Variants in MYO5B observed in about 807,000 individuals in gnomAD.
MYO5B encodes unconventional myosin-Vb.
In MYO5B, 143 loss-of-function variants were observed where a neutral mutation model predicts 229.3. The ratio of observed to expected loss-of-function variants is 0.62; its 90% confidence interval spans 0.54 to 0.72. MYO5B has a LOEUF of 0.72. MYO5B is among the 30% of genes least tolerant of loss of function. The pLI is 0.00. For missense variants in MYO5B, 2,321 were observed against 2,331.0 expected, an observed-to-expected ratio of 1.00 and a Z score of 0.09; for synonymous variants, 918 against 885.2, an observed-to-expected ratio of 1.04 and a Z score of -0.66.
chr18:50,112,417 ATCAAGAGGCAAAGGC>A (rs2031881894), intron 1 of MYO5B, among the ~76,000 whole-genome samples: 1 of 152,142 alleles, frequency 6.6e-6, no homozygotes, highest in African/African-American at 2.4e-5. Context: ...AGACGTCCCC[ATCAAGAGGCAAAGGC>A]AAGGCTCCTG....
In MYO5B at chr18:49,963,066, T is replaced by A. The variant is rs929914629; in HGVS notation, c.1323-36A>T. 3.2e-6 allele frequency: 5 copies of A among 1,567,894 alleles called. No individual in the cohort carries two copies. In the African/African-American group the frequency reaches 6.8e-5, roughly 21 times the overall value. On this transcript the variant is annotated intron_variant, in intron 10 of 39. Transcript: ENST00000285039. ...GAAAGAGAAGATAAGAGACGTCTCCTTTCAACAAAGGAATCACTGGGACTT... is the reference window on the plus strand; with the variant it reads ...GAAAGAGAAGATAAGAGACGTCTCCATTCAACAAAGGAATCACTGGGACTT...
intron 1 of MYO5B, among the ~76,000 whole-genome samples, chr18:50,117,323 TTCTTCAAGGC>T (rs1319125882): frequency 6.6e-6 from 1 of 152,128 alleles, no homozygotes; most frequent in Non-Finnish European, 1.5e-5. Flanking sequence ...ATGGGTTTAT[TTCTTCAAGGC>T]TCTTCCAGGA....
intron 1 of MYO5B, among the ~76,000 whole-genome samples, chr18:50,191,254 A>T (rs1447656176): frequency 6.6e-6 from 1 of 152,226 alleles, no homozygotes; most frequent in Admixed American, 6.5e-5. Flanking sequence ...CTTGGGTCCC[A>T]GAAAATCTCC....
chr18:50,054,689 A>G (rs1377230840), intron 2 of MYO5B, among the ~76,000 whole-genome samples: 4 of 152,194 alleles, frequency 2.6e-5, no homozygotes, highest in Non-Finnish European at 4.4e-5. Flanking sequence ...AAGGTCAAAA[A>G]ATAAAAAATG....
intron 1 of MYO5B, among the ~76,000 whole-genome samples, chr18:50,146,945 T>C (rs904578556): frequency 4.6e-5 from 7 of 152,046 alleles, no homozygotes; most frequent in African/African-American, 1.7e-4. Flanking sequence ...CCCCTCAGAG[T>C]ATTTTTCACT....
chr18:49,929,057 AC>A (rs1161617897), intron 17 of MYO5B, among the ~76,000 whole-genome samples: 3 of 152,186 alleles, frequency 2.0e-5, no homozygotes, highest in Non-Finnish European at 4.4e-5. Flanking sequence ...CTCAGAAATC[AC>A]CACTGAAGAA....
Position 49,902,672 on chromosome 18 carries a change from G to A in MYO5B, c.2733C>T (p.Arg911=). 1 of 1,613,204 alleles carries A rather than the reference G, an allele frequency of 6.2e-7. No individual in the cohort carries two copies. Among genetic ancestry groups the A allele is most frequent in the South Asian group, 1.1e-5 (1 of 91,082 alleles). Residue 911 remains arginine (R), a synonymous_variant, in exon 21 of 40, where the codon CGC becomes CGT. Coordinates refer to ENST00000285039, the MANE Select transcript of MYO5B (RefSeq NM_001080467.3). The part of the protein sequence containing the change: ...RELKALRIEA[R]SAEHLKRLNV... ...TGAGACGTTTCAGATGCTCTGCTGA[G>A]CGGGCCTCAATCCTGAGGGCCTTCA... is the stretch of plus-strand genomic sequence containing the variant.
intron 4 of MYO5B, among the ~76,000 whole-genome samples, chr18:50,026,550 G>C (rs2026333332): frequency 6.6e-6 from 1 of 152,212 alleles, no homozygotes; most frequent in African/African-American, 2.4e-5. Flanking sequence ...ATTTCACTGA[G>C]CACATAGAAC....
At chr18:50,042,323 G>C (rs2030043767) in intron 2 of MYO5B, among the ~76,000 whole-genome samples, 1 of 152,076 alleles carries the variant, frequency 6.6e-6, no homozygotes, top group Non-Finnish European at 1.5e-5. Context: ...TATCCTATAG[G>C]AATAAAGTTT....
chr18:49,839,046 A>G, intron 36 of MYO5B, 98 bp downstream of exon 36: 1 of 1,444,094 alleles, frequency 6.9e-7, no homozygotes, highest in Non-Finnish European at 9.6e-7. Context: ...GGTCATGGCT[A>G]AGATATCTGG....
At position 49,936,248 on chromosome 18, in the gene MYO5B, T is replaced by G; in HGVS notation, c.2003+4A>C. The G allele has an allele frequency of 1.3e-6, 2 of 1,587,152 alleles. No homozygotes were observed. The highest frequency in any genetic ancestry group is 1.7e-6 in the Non-Finnish European group (2 of 1,164,948). On this transcript the variant is annotated splice_donor_region_variant and intron_variant, in intron 16 of 39. Coordinates refer to ENST00000285039, the MANE Select transcript of MYO5B (RefSeq NM_001080467.3). The stretch of plus-strand genomic sequence containing the variant: ...GGACAGGCTAATGCCCAGCAGGCAC[T>G]TACTGAAAGGGGAGCTTCTCATCGT...
At chr18:50,021,416 G>T (rs2026273077) in intron 4 of MYO5B, among the ~76,000 whole-genome samples, 1 of 152,112 alleles carries the variant, frequency 6.6e-6, no homozygotes, top group Non-Finnish European at 1.5e-5. Context: ...GGTGCCTTTG[G>T]CCATCACTCT....
chr18:49,864,068 T>G (rs2024364395), intron 28 of MYO5B, 73 bp downstream of exon 28: 3 of 1,585,204 alleles, frequency 1.9e-6, no homozygotes, highest in Non-Finnish European at 2.6e-6. Context: ...TGGGTAAAGA[T>G]AATTAAAAAA....
chr18:49,974,798 G>GACACACACACACACAGACACACAC (rs1555648481), intron 9 of MYO5B, among the ~76,000 whole-genome samples, 183 bp from the exon 10 acceptor site: 7 of 130,996 alleles, frequency 5.3e-5, no homozygotes, highest in African/African-American at 2.0e-4. Context: ...CACACACACA[G>GACACACACACACACAGACACACAC]ACACACACAC....
At chr18:49,963,791 G>C (rs549517412) in intron 10 of MYO5B, among the ~76,000 whole-genome samples, 14 of 152,166 alleles carry the variant, frequency 9.2e-5, no homozygotes, top group Admixed American at 2.6e-4. Flanking sequence ...CTGTTCTGAA[G>C]GCATCAGTTT....
In MYO5B at chr18:49,906,466, C is replaced by A. The variant is rs746038797; in HGVS notation, c.2367G>T (p.Gly789=). The A allele has an allele frequency of 1.2e-6, 2 of 1,614,178 alleles. No individual in the cohort carries two copies. Among genetic ancestry groups the A allele is most frequent in the Non-Finnish European group, 1.7e-6 (2 of 1,180,042 alleles). ...AGTACCTCTGCAGGGTTAAGGTAGC[C>A]CCCTTCAGCCTGTGATATTTCACCT... is the stretch of plus-strand genomic sequence containing the variant. ...LQKVKYHRLK[G]ATLTLQRYCR... The change falls in exon 19 of 40, where the codon GGG becomes GGT. Residue 789 remains glycine (G), a synonymous_variant. Coordinates refer to ENST00000285039, the MANE Select transcript of MYO5B (RefSeq NM_001080467.3).
chr18:49,936,607 C>T lies in MYO5B; in HGVS notation c.1906-258G>A, dbSNP rs533056107. Among the ~76,000 whole-genome samples the T allele has an allele frequency of 5.3e-5, 8 of 152,200 alleles. No individual in the cohort carries two copies. In the South Asian group the frequency reaches 1.0e-3, roughly 20 times the overall value. ...ACTACCCCCTAATGTGCCTAACTCC[C>T]AGTGCTGTGGATCAAATAAGATGAA... On this transcript the variant is annotated intron_variant, in intron 15 of 39. Transcript: ENST00000285039.
chr18:49,855,662 C>G (rs1290629299), intron 30 of MYO5B, among the ~76,000 whole-genome samples: 1 of 152,188 alleles, frequency 6.6e-6, no homozygotes, highest in Non-Finnish European at 1.5e-5. Flanking sequence ...TATAATGCCC[C>G]GTGAGGAAGG....
intron 8 of MYO5B, among the ~76,000 whole-genome samples, chr18:49,982,966 A>T (rs1256667262): frequency 6.6e-6 from 1 of 152,222 alleles, no homozygotes; most frequent in Non-Finnish European, 1.5e-5. Context: ...CCACATCAGC[A>T]CTACAAGGGC....
Sources: gnomAD v4.1 joint callset for allele counts (sites outside exome capture counted in the v4.1 genomes callset) on GRCh38, gnomAD v4.1.1 for gene constraint, MANE v1.5 for transcripts, NCBI Gene and HGNC (gene_info 2026-07-23, HGNC 2026-07-21) for gene names.